Variants in BRWD3 observed in about 807,000 individuals in gnomAD.
BRWD3 encodes the protein bromodomain and WD repeat-containing protein 3.
BRWD3 carries 10 observed loss-of-function variants against 149.7 expected under a neutral mutation model. The observed-to-expected ratio is 0.07, with a 90% confidence interval of 0.04 to 0.11. The LOEUF is 0.11. Ranked by LOEUF, BRWD3 falls within the 10% of genes least tolerant of loss-of-function variation. The probability of loss-of-function intolerance (pLI) is 1.00; values close to 1 mark genes in which losing one functional copy is unlikely to be tolerated. For synonymous variants in BRWD3, 504 were observed against 456.7 expected, an observed-to-expected ratio of 1.10 and a Z score of -1.32; for missense variants, 940 against 1,373.2, an observed-to-expected ratio of 0.68 and a Z score of 4.99.
chrX:80,749,488 A>T (rs1483040785), intron 6 of BRWD3, among the ~76,000 whole-genome samples: 2 of 111,561 alleles, frequency 1.8e-5, no homozygotes, highest in African/African-American at 6.5e-5. Flanking sequence ...CTTATATCTG[A>T]TATAAAGAAA....
At chrX:80,809,397 C>A in intron 1 of BRWD3, 44 bp downstream of exon 1, 1 of 1,112,521 alleles carries the variant, frequency 9.0e-7, no homozygotes, top group Non-Finnish European at 1.2e-6. Context: ...GCGCTAAGCC[C>A]CCATTCCCTT....
At chrX:80,761,359 T>G (rs2147813077) in intron 6 of BRWD3, among the ~76,000 whole-genome samples, 1 of 111,818 alleles carries the variant, frequency 8.9e-6, no homozygotes, top group South Asian at 3.7e-4. Context: ...TTCTATTATC[T>G]TCATGCATGA....
Position 80,676,406 on chromosome X carries a change from A to T in BRWD3, c.*203T>A. 2.1e-6 allele frequency: 1 copy of T among 473,619 alleles called. No homozygotes were observed. The highest frequency in any genetic ancestry group is 3.5e-6 in the Non-Finnish European group (1 of 284,087). 39.0% of individuals were successfully genotyped at this position (473,619 alleles called of 1,213,427 possible). ...GTGTGGGCAGAATTTCTTTTAATTT[A>T]AGGCCTAATGAGTAAGGCTTATTTG... On this transcript the variant is annotated 3_prime_UTR_variant, in exon 41 of 41. Transcript: ENST00000373275.
At chrX:80,725,827 T>C (rs2073216021) in intron 14 of BRWD3, among the ~76,000 whole-genome samples, 1 of 102,372 alleles carries the variant, frequency 9.8e-6, no homozygotes, top group Non-Finnish European at 2.0e-5. Context: ...CTATATAACA[T>C]AACATGTTTA....
chrX:80,757,924 G>A (rs1471759287), intron 6 of BRWD3, among the ~76,000 whole-genome samples: 1 of 112,211 alleles, frequency 8.9e-6, no homozygotes, highest in East Asian at 2.8e-4. Flanking sequence ...AAATAGGCTG[G>A]GCGCGGTGGC....
At chrX:80,691,798 T>C (rs761336261) in intron 30 of BRWD3, 25 bp downstream of exon 30, 1 of 1,210,458 alleles carries the variant, frequency 8.3e-7, no homozygotes, top group East Asian at 3.0e-5. Context: ...TGCATGCTCC[T>C]AAAATTTTTT....
Position 80,745,627 on chromosome X carries a change from C to A in BRWD3, c.533G>T (p.Gly178Val), listed in dbSNP as rs773944264. ...QHIKMHKRIL[G>V]HLSSVYCVAF... is the part of the protein sequence containing the mutation. ...TACACAGTAGACAGATGACAAGTGCCCCAGAATTCTCTTATGCATCTTAAT... is the reference window on the plus strand; with the variant it reads ...TACACAGTAGACAGATGACAAGTGCACCAGAATTCTCTTATGCATCTTAAT... Residue 178 changes from glycine (G) to valine (V), a missense_variant, in exon 7 of 41, where the codon GGG (glycine) becomes GTG (valine). Around this residue, in one of 6 missense-constraint regions of BRWD3, gnomAD observed 209 missense variants for 396.8 expected, o/e 0.53. Coordinates refer to ENST00000373275, the MANE Select transcript of BRWD3 (RefSeq NM_153252.5). 8.3e-7 allele frequency: 1 copy of A among 1,209,974 alleles called. No individual in the cohort carries two copies. Among genetic ancestry groups the A allele is most frequent in the Non-Finnish European group, 1.1e-6 (1 of 894,664 alleles).
chrX:80,791,827 T>C lies in BRWD3; in HGVS notation c.430+27A>G, dbSNP rs759292254. On this transcript the variant is annotated intron_variant, in intron 6 of 40. Coordinates refer to ENST00000373275, the MANE Select transcript of BRWD3 (RefSeq NM_153252.5). ...CAGGAAGGAAAGAATCAACAATCTGTTTATAACACACAGGTATATTACTCA... is the reference window on the plus strand; with the variant it reads ...CAGGAAGGAAAGAATCAACAATCTGCTTATAACACACAGGTATATTACTCA... The C allele has an allele frequency of 1.1e-5, 12 of 1,074,902 alleles. No homozygotes were observed. In the Admixed American group the frequency reaches 2.7e-4, roughly 24 times the overall value. The allele number at this position is 1,074,902 out of a possible 1,213,427, so 88.6% of individuals were successfully genotyped here. A position where few individuals can be genotyped will look rare whatever the true frequency, so the allele number is the denominator to read the frequency against.
chrX:80,781,583 G>A (rs767219277), intron 6 of BRWD3, among the ~76,000 whole-genome samples: 11 of 110,989 alleles, frequency 9.9e-5, no homozygotes, highest in Non-Finnish European at 1.7e-4. Flanking sequence ...CTGGGGCATA[G>A]TAGGGGTCGT....
At chrX:80,795,003 A>G (rs2147858617) in intron 4 of BRWD3, among the ~76,000 whole-genome samples, 1 of 111,734 alleles carries the variant, frequency 8.9e-6, no homozygotes, top group East Asian at 2.8e-4. Flanking sequence ...TAAAACTAAC[A>G]ATGTTATAAA....
Position 80,736,158 on chromosome X carries a change from T to C in BRWD3, c.814-70A>G, listed in dbSNP as rs996281120. The C allele has an allele frequency of 7.7e-6, 5 of 653,160 alleles. No homozygotes were observed. The East Asian group carries it at 1.8e-4, about 24-fold the overall frequency. 53.8% of individuals were successfully genotyped at this position (653,160 alleles called of 1,213,427 possible). On this transcript the variant is annotated intron_variant, in intron 8 of 40. Coordinates refer to ENST00000373275, the MANE Select transcript of BRWD3 (RefSeq NM_153252.5). ...CAGCCTAACATCAAACACGGAGTAT[T>C]TTCAAATTGTAATCATTTAACAAAT... is the stretch of plus-strand genomic sequence containing the variant.
intron 12 of BRWD3, among the ~76,000 whole-genome samples, chrX:80,732,584 G>A (rs1317188334): frequency 9.0e-6 from 1 of 111,144 alleles, no homozygotes; most frequent in Admixed American, 9.6e-5. Context: ...AAGAAAGTAG[G>A]AGAGAGAGAG....
At chrX:80,769,988 T>C (rs903122908) in intron 6 of BRWD3, among the ~76,000 whole-genome samples, 34 of 111,583 alleles carry the variant, frequency 3.0e-4, no homozygotes, top group African/African-American at 1.0e-3. Flanking sequence ...GCAAATAAAC[T>C]AGAAAAATCT....
At chrX:80,784,558 C>T (rs1417591577) in intron 6 of BRWD3, among the ~76,000 whole-genome samples, 2 of 110,805 alleles carry the variant, frequency 1.8e-5, no homozygotes, top group South Asian at 3.9e-4. Flanking sequence ...CCACAAGAGG[C>T]CCTGGTGTGT....
At chrX:80,806,666 T>G (rs1277356607) in intron 4 of BRWD3, among the ~76,000 whole-genome samples, 1 of 112,334 alleles carries the variant, frequency 8.9e-6, no homozygotes, top group Non-Finnish European at 1.9e-5. Flanking sequence ...AATCTGGAAG[T>G]AGCTCAAATG....
chrX:80,728,960 T>C, intron 13 of BRWD3, 55 bp from the exon 14 acceptor site: 3 of 1,056,070 alleles, frequency 2.8e-6, no homozygotes, highest in Non-Finnish European at 4.0e-6. Flanking sequence ...CAAAGGTGCA[T>C]GTTAAATAGC....
chrX:80,734,934 T>C (rs1195187554), intron 10 of BRWD3, among the ~76,000 whole-genome samples, 193 bp downstream of exon 10: 2 of 110,496 alleles, frequency 1.8e-5, no homozygotes, highest in East Asian at 2.8e-4. Flanking sequence ...TATTAAATTA[T>C]GAATAAGGAA....
intron 15 of BRWD3, 127 bp from the exon 16 acceptor site, chrX:80,724,003 T>G: frequency 1.3e-6 from 1 of 788,841 alleles, no homozygotes; most frequent in Non-Finnish European, 1.9e-6. Context: ...CTCTCTGGCT[T>G]CTGCAGCCAG....
chrX:80,747,297 T>C (rs932149644), intron 6 of BRWD3, among the ~76,000 whole-genome samples: 10 of 109,560 alleles, frequency 9.1e-5, no homozygotes, highest in Admixed American at 9.9e-5. Context: ...ATATTCTCCG[T>C]TGAATGATTC....
Sources: gnomAD v4.1 joint callset for allele counts (sites outside exome capture counted in the v4.1 genomes callset) on GRCh38, gnomAD v4.1.1 for gene constraint, gnomAD v4.1.1 regional missense constraint, MANE v1.5 for transcripts, NCBI Gene and HGNC (gene_info 2026-07-23, HGNC 2026-07-21) for gene names.